The following SIN3B variants were observed in gnomAD, a reference collection of about 807,000 sequenced individuals.
The protein encoded by SIN3B is paired amphipathic helix protein Sin3b.
Under a neutral mutation model 120.2 loss-of-function variants are expected in SIN3B, and 19 were observed. The ratio of observed to expected loss-of-function variants is 0.16; its 90% CI spans 0.11 to 0.23. The LOEUF (loss-of-function observed/expected upper bound fraction) is 0.23. Ranked by LOEUF, SIN3B falls within the 10% of genes least tolerant of loss-of-function variation. The pLI is 1.00. For synonymous variants in SIN3B, 654 were observed against 653.2 expected, an observed-to-expected ratio of 1.00 and a Z score of -0.02; for missense variants, 1,073 against 1,573.0, an observed-to-expected ratio of 0.68 and a Z score of 5.38.
chr19:16,857,378 C>T (rs1273471665), intron 8 of SIN3B, among the ~76,000 whole-genome samples: 1 of 151,808 alleles, frequency 6.6e-6, no homozygotes, highest in Admixed American at 6.6e-5. Flanking sequence ...TTGCTTCAGC[C>T]TCAAAGAGTG....
At chr19:16,829,692 C>A in intron 1 of SIN3B, 99 bp from the exon 2 acceptor site, 1 of 1,331,896 alleles carries the variant, frequency 7.5e-7, no homozygotes, top group Non-Finnish European at 1.0e-6. Flanking sequence ...CACCTCGGCC[C>A]TCCGAAAGCC....
intron 11 of SIN3B, 135 bp downstream of exon 11, chr19:16,865,783 G>T: frequency 1.5e-6 from 1 of 653,946 alleles, no homozygotes. Context: ...CATCTCCAGG[G>T]GTGGTCTCTG....
At chr19:16,866,879 C>T (rs191583937) in intron 12 of SIN3B, among the ~76,000 whole-genome samples, 5 of 152,316 alleles carry the variant, frequency 3.3e-5, no homozygotes, top group African/African-American at 9.6e-5. Flanking sequence ...GCCTCAGCCT[C>T]CTGAGTGGCT....
rs1763968918 is a variant in SIN3B, at chr19:16,863,763, G to A, written c.1350G>A (p.Glu450=). The change falls in exon 10 of 19, where the codon GAG becomes GAA. Residue 450 remains glutamate (E), a synonymous_variant. Transcript: ENST00000248054. ...FVSSKKTPYE[E]QLHRCEDERF... ...GCTCCAAGAAGACACCGTACGAGGAGCAGCTTCACCGCTGTGAGGACGAGC... is the reference window on the plus strand; with the variant it reads ...GCTCCAAGAAGACACCGTACGAGGAACAGCTTCACCGCTGTGAGGACGAGC... 1 of 1,614,148 alleles carries A rather than the reference G, an allele frequency of 6.2e-7. No individual in the cohort carries two copies. Among genetic ancestry groups the A allele is most frequent in the East Asian group, 2.2e-5 (1 of 44,892 alleles).
At chr19:16,833,081 C>A (rs1278931344) in intron 3 of SIN3B, among the ~76,000 whole-genome samples, 3 of 152,134 alleles carry the variant, frequency 2.0e-5, no homozygotes, top group Non-Finnish European at 4.4e-5. Context: ...CCCTGGGGGG[C>A]AAAAGTGCCC....
At chr19:16,853,668 G>A (rs540054839) in intron 7 of SIN3B, among the ~76,000 whole-genome samples, 8 of 151,750 alleles carry the variant, frequency 5.3e-5, no homozygotes, top group South Asian at 2.1e-4. Flanking sequence ...CATGGATTGC[G>A]TGCATGGGCT....
chr19:16,867,213 C>T (rs1042142483), intron 12 of SIN3B, among the ~76,000 whole-genome samples: 1 of 152,248 alleles, frequency 6.6e-6, no homozygotes, highest in Non-Finnish European at 1.5e-5. Flanking sequence ...TCTGACCTCA[C>T]TCCTGAACCT....
intron 8 of SIN3B, chr19:16,855,077 T>TA (rs1352644233): frequency 6.6e-6 from 1 of 152,212 alleles, no homozygotes; most frequent in Non-Finnish European, 1.5e-5. Context: ...AGTGAGGACT[T>TA]ACTGTACTGA....
intron 8 of SIN3B, among the ~76,000 whole-genome samples, chr19:16,857,625 G>A (rs1169553037): frequency 2.0e-5 from 3 of 150,732 alleles, no homozygotes; most frequent in Non-Finnish European, 4.4e-5. Flanking sequence ...GCCAACAAAT[G>A]GCTTGAATCT....
At chr19:16,861,861 C>G (rs944016697) in intron 8 of SIN3B, among the ~76,000 whole-genome samples, 1 of 151,958 alleles carries the variant, frequency 6.6e-6, no homozygotes, top group African/African-American at 2.4e-5. Context: ...CTTGAGCCCA[C>G]GAGTTTGAGG....
In SIN3B at chr19:16,870,025, G is replaced by A. The variant is rs377517833; in HGVS notation, c.2372G>A (p.Arg791His). Residue 791 changes from arginine to histidine, a missense_variant, in exon 13 of 19, where the codon CGC becomes CAC. Physicochemically the swap from Arg to His is conservative, Grantham distance 29. Around this residue, in one of 7 missense-constraint regions of SIN3B, gnomAD observed 52 missense variants for 68.8 expected, o/e 0.76. Coordinates refer to ENST00000248054, the MANE Select transcript of SIN3B (RefSeq NM_001297595.2). ...CGGGAGAAGCTGCTGTGTGAGGGCC[G>A]CAGGGAGAAGGGCAGCGACCCCGCC... ...KEREKLLCEG[R>H]REKGSDPAME... is the part of the protein sequence containing the mutation. The A allele has an allele frequency of 1.1e-4, 175 of 1,611,444 alleles. 1 individual carries two copies. The highest frequency in any genetic ancestry group is 1.4e-4 in the Non-Finnish European group (167 of 1,178,762).
At position 16,876,791 on chromosome 19, in the gene SIN3B, C is replaced by T. The variant is rs1318517650; in HGVS notation, c.2859+213C>T. 3 of 526,072 alleles carry T rather than the reference C, an allele frequency of 5.7e-6. No individual in the cohort carries two copies. The African/African-American group carries it at 5.8e-5, about 10-fold the overall frequency. 32.6% of individuals were successfully genotyped at this position (526,072 alleles called of 1,614,324 possible). A position where few individuals can be genotyped will look rare whatever the true frequency, so the allele number is the denominator to read the frequency against. ...TGTGCCCCCTCTCCAAAGAGCAGAC[C>T]ACTCCTCCTGAGCAAGCGGTTGTGT... On this transcript the variant is annotated intron_variant, in intron 16 of 18. Coordinates refer to ENST00000248054, the MANE Select transcript of SIN3B (RefSeq NM_001297595.2). The surrounding 1 kb of genome is among the most constrained non-coding windows in gnomAD (Gnocchi z 7.1).
chr19:16,829,681 T>A, intron 1 of SIN3B, 110 bp from the exon 2 acceptor site: 1 of 967,752 alleles, frequency 1.0e-6, no homozygotes, highest in Non-Finnish European at 1.4e-6. Context: ...CCCTCACCTC[T>A]CACCTCGGCC....
chr19:16,851,393 C>T lies in SIN3B; in HGVS notation c.727-19C>T. On this transcript the variant is annotated intron_variant, in intron 5 of 18. Coordinates refer to ENST00000248054, the MANE Select transcript of SIN3B (RefSeq NM_001297595.2). ...CAGCCACGTCTCCGGTGCTGACCAC[C>T]TCCCACATGTGTCCTTAGTTCACAG... 2 of 1,575,986 alleles carry T rather than the reference C, an allele frequency of 1.3e-6. No individual in the cohort carries two copies. Among genetic ancestry groups the T allele is most frequent in the South Asian group, 2.3e-5 (2 of 85,220 alleles).
chr19:16,839,436 A>C (rs1401074621), intron 3 of SIN3B, among the ~76,000 whole-genome samples: 1 of 152,142 alleles, frequency 6.6e-6, no homozygotes, highest in Non-Finnish European at 1.5e-5. Flanking sequence ...TCTTTTTGCC[A>C]AGCCCTGGTC....
At chr19:16,866,274 A>C in intron 11 of SIN3B, 99 bp from the exon 12 acceptor site, 2 of 1,232,912 alleles carry the variant, frequency 1.6e-6, no homozygotes, top group Non-Finnish European at 2.3e-6. Context: ...TGGGTCCTGG[A>C]CCCCCAGTCA....
At chr19:16,874,230 G>T (rs778895270) in intron 14 of SIN3B, among the ~76,000 whole-genome samples, 4 of 152,238 alleles carry the variant, frequency 2.6e-5, no homozygotes, top group Non-Finnish European at 4.4e-5. Flanking sequence ...ATATTTTTCC[G>T]TGTCTTTTCT....
At chr19:16,855,567 A>G (rs1971604355) in intron 8 of SIN3B, 1 of 151,862 alleles carries the variant, frequency 6.6e-6, no homozygotes, top group South Asian at 2.1e-4. Flanking sequence ...CTAAAAATAC[A>G]AAAATTAGCC....
chr19:16,869,059 G>A (rs891544946), intron 12 of SIN3B, among the ~76,000 whole-genome samples: 1 of 148,134 alleles, frequency 6.8e-6, no homozygotes, highest in African/African-American at 2.4e-5. Context: ...CTTTCAGTAG[G>A]AGGAGGTCAG....
Sources: gnomAD v4.1 joint callset for allele counts (sites outside exome capture counted in the v4.1 genomes callset) on GRCh38, gnomAD v4.1.1 for gene constraint, gnomAD v4.1.1 regional missense constraint, Gnocchi (gnomAD v3.1) non-coding constraint, MANE v1.5 for transcripts, NCBI Gene and HGNC (gene_info 2026-07-23, HGNC 2026-07-21) for gene names.